CBX1: variants seen among roughly 807,000 people sequenced by gnomAD.
CBX1 encodes chromobox 1, also known as chromobox protein homolog 1.
CBX1 carries 10 observed loss-of-function variants against 25.1 expected under a neutral mutation model. That is an observed-to-expected ratio of 0.40 (90% CI 0.25 to 0.68). The LOEUF is 0.68. Ranked by LOEUF, CBX1 falls within the 30% of genes least tolerant of loss-of-function variation. The pLI is 0.40. For missense variants in CBX1, 106 were observed against 218.5 expected (o/e 0.49, Z 3.25); for synonymous variants, 63 against 79.4 (o/e 0.79, Z 1.10).
intron 1 of CBX1, 180 bp downstream of exon 1, chr17:48,101,088 C>A: frequency 1.0e-6 from 1 of 986,404 alleles, no homozygotes; most frequent in Non-Finnish European, 1.2e-6. Flanking sequence ...CAGCTGGCAC[C>A]GACGCCTCAG....
At chr17:48,100,683 A>AACGCCT (rs1321736138) in intron 1 of CBX1, 1 of 980,574 alleles carries the variant, frequency 1.0e-6, no homozygotes, top group Non-Finnish European at 1.2e-6. Flanking sequence ...AGGCCCAGCA[A>AACGCCT]ACGCCTGCCC....
chr17:48,073,824 C>CAAAAAAAAAAAAAAAAAAAAACAAAA (rs60857566), intron 4 of CBX1, among the ~76,000 whole-genome samples: 1 of 82,500 alleles, frequency 1.2e-5, no homozygotes, highest in Admixed American at 1.3e-4. Context: ...GAGACTGTCT[C>CAAAAAAAAAAAAAAAAAAAAACAAAA]AAAAAAAAAA....
chr17:48,092,038 T>A (rs2144463256), intron 1 of CBX1, among the ~76,000 whole-genome samples: 1 of 129,004 alleles, frequency 7.8e-6, no homozygotes, highest in Non-Finnish European at 1.6e-5. Flanking sequence ...TCACCCAGGC[T>A]GGAATACAAT....
chr17:48,083,812 G>A (rs979580573), intron 1 of CBX1, among the ~76,000 whole-genome samples: 12 of 149,766 alleles, frequency 8.0e-5, no homozygotes, highest in Non-Finnish European at 1.5e-4. Flanking sequence ...CGACAAAAGC[G>A]AAACTCCATC....
chr17:48,076,036 C>T lies in CBX1; in HGVS notation c.283G>A (p.Gly95Arg), dbSNP rs765062326. The change falls in exon 3 of 5, where the codon GGA becomes AGA. Residue 95 changes from glycine to arginine, a missense_variant. By Grantham distance (125) the Gly-to-Arg change is moderately radical (BLOSUM62 -2). This residue lies in a region of CBX1 where 71 missense variants were observed against 144.1 expected (regional missense o/e 0.49). Coordinates refer to ENST00000225603, the MANE Select transcript of CBX1 (RefSeq NM_001127228.2). The part of the protein sequence containing the change: ...RKADSDSEDK[G>R]EESKPKKKKE... ...TTCTTCTTTGGTTTGCTCTCCTCTC[C>T]CTTATCTTCAGAATCAGAATCAGCT... The T allele has an allele frequency of 2.5e-6, 4 of 1,611,956 alleles. No homozygotes were observed. The highest frequency in any genetic ancestry group is 1.7e-4 in the Middle Eastern group (1 of 6,046).
intron 1 of CBX1, among the ~76,000 whole-genome samples, chr17:48,086,870 G>T (rs1404989501): frequency 6.6e-6 from 1 of 151,024 alleles, no homozygotes; most frequent in East Asian, 1.9e-4. Flanking sequence ...TCAAAAAAAA[G>T]AAAACGAAAA....
chr17:48,082,285 G>A (rs12950938), intron 1 of CBX1, among the ~76,000 whole-genome samples: 3 of 151,842 alleles, frequency 2.0e-5, no homozygotes, highest in African/African-American at 7.3e-5. Context: ...GGCAGATCAC[G>A]AGGTCAGGAG....
chr17:48,080,081 C>T (rs1046032026), intron 1 of CBX1, among the ~76,000 whole-genome samples: 1 of 152,036 alleles, frequency 6.6e-6, no homozygotes, highest in South Asian at 2.1e-4. Context: ...CTCCCTCTGT[C>T]GCCCAGGCTG....
intron 4 of CBX1, among the ~76,000 whole-genome samples, chr17:48,071,837 G>C (rs1295933747): frequency 6.6e-6 from 1 of 152,070 alleles, no homozygotes; most frequent in African/African-American, 2.4e-5. Context: ...AATCACATCT[G>C]AACATCTGGG....
chr17:48,099,957 G>A (rs1044488211), intron 1 of CBX1, among the ~76,000 whole-genome samples: 1 of 151,828 alleles, frequency 6.6e-6, no homozygotes, highest in East Asian at 1.9e-4. Flanking sequence ...TGACCAGTAC[G>A]GTGAAACCCC....
intron 1 of CBX1, among the ~76,000 whole-genome samples, chr17:48,087,887 A>AG (rs981293267): frequency 2.0e-5 from 3 of 151,772 alleles, no homozygotes; most frequent in Admixed American, 6.6e-5. Flanking sequence ...AAAAAAAAAA[A>AG]AAAGAAAACA....
Position 48,071,315 on chromosome 17 carries a change from T to C in CBX1, c.*120A>G, listed in dbSNP as rs1401694142. On this transcript the variant is annotated 3_prime_UTR_variant, in exon 5 of 5. Transcript: ENST00000225603. Reference sequence around the variant, plus strand: ...GGGCTGCTGCAGGGCACAGAAACTATACTGGCTCTTCAAAGGACATCTTCT... The same window carrying C: ...GGGCTGCTGCAGGGCACAGAAACTACACTGGCTCTTCAAAGGACATCTTCT... 23 of 1,020,830 alleles carry C rather than the reference T, an allele frequency of 2.3e-5. No homozygotes were observed. In the South Asian group the frequency reaches 2.3e-4, roughly 10 times the overall value. The allele number at this position is 1,020,830 out of a possible 1,614,324, so 63.2% of individuals were successfully genotyped here.
chr17:48,083,451 T>C (rs975109432), intron 1 of CBX1, among the ~76,000 whole-genome samples: 2 of 150,876 alleles, frequency 1.3e-5, no homozygotes, highest in Admixed American at 1.3e-4. Flanking sequence ...TAGCTTTTTC[T>C]GGTCAGTAAC....
At position 48,095,828 on chromosome 17, in the gene CBX1, TG is replaced by T. The variant is rs2063371802; in HGVS notation, c.-38+5439del. On this transcript the variant is annotated intron_variant, in intron 1 of 4. Coordinates refer to ENST00000225603, the MANE Select transcript of CBX1 (RefSeq NM_001127228.2). ...GTTTGCGAAGCAAATGCTTTCCAGA[TG>T]GAAAACTTGACTAAGCAGAAAACAA... The T allele has an allele frequency of 3.9e-5, 6 of 152,334 alleles. No homozygotes were observed. In the South Asian group the frequency reaches 1.2e-3, roughly 32 times the overall value. The allele number at this position is 152,334 out of a possible 1,614,324, so 9.4% of individuals were successfully genotyped here. A position where few individuals can be genotyped will look rare whatever the true frequency, so the allele number is the denominator to read the frequency against.
chr17:48,099,995 C>G (rs1053565787), intron 1 of CBX1, among the ~76,000 whole-genome samples: 1 of 151,714 alleles, frequency 6.6e-6, no homozygotes, highest in Non-Finnish European at 1.5e-5. Context: ...AAAAATTAGC[C>G]GGGCGTGGTG....
At position 48,075,919 on chromosome 17, in the gene CBX1, A is replaced by G. The variant is rs887661207; in HGVS notation, c.318+82T>C. On this transcript the variant is annotated intron_variant, in intron 3 of 4. Transcript: ENST00000225603. ...CAGGACTAAGAAGAGACAGCTGCTA[A>G]TATCAGGGAAGAAGCAGAACAAAAC... is the stretch of plus-strand genomic sequence containing the variant. 18 of 1,044,838 alleles carry G rather than the reference A, an allele frequency of 1.7e-5. No individual in the cohort carries two copies. The African/African-American group carries it at 2.2e-4, about 13-fold the overall frequency. 64.7% of individuals were successfully genotyped at this position (1,044,838 alleles called of 1,614,324 possible).
At chr17:48,080,534 T>C (rs1049877430) in intron 1 of CBX1, among the ~76,000 whole-genome samples, 16 of 152,008 alleles carry the variant, frequency 1.1e-4, no homozygotes, top group Non-Finnish European at 2.2e-4. Flanking sequence ...AAACTGGTTA[T>C]TCCTAGCATC....
At chr17:48,085,609 TATTC>T (rs1469172114) in intron 1 of CBX1, among the ~76,000 whole-genome samples, 2 of 151,558 alleles carry the variant, frequency 1.3e-5, no homozygotes, top group African/African-American at 2.4e-5. Flanking sequence ...AATATGAAGG[TATTC>T]ATTGTTTATT....
At chr17:48,093,076 AAAAAAAAAAAAAAG>A (rs930716777) in intron 1 of CBX1, among the ~76,000 whole-genome samples, 1 of 98,982 alleles carries the variant, frequency 1.0e-5, no homozygotes, top group Non-Finnish European at 2.3e-5. Flanking sequence ...GTCTCAAAAA[AAAAAAAAAAAAAAG>A]AAAAGAAAAG....
Sources: gnomAD v4.1 joint callset for allele counts (sites outside exome capture counted in the v4.1 genomes callset) on GRCh38, gnomAD v4.1.1 for gene constraint, gnomAD v4.1.1 regional missense constraint, MANE v1.5 for transcripts, NCBI Gene and HGNC (gene_info 2026-07-23, HGNC 2026-07-21) for gene names.